MAGT1: variants seen among roughly 807,000 people sequenced by gnomAD.
The protein encoded by MAGT1 is dolichyl-diphosphooligosaccharide--protein glycosyltransferase subunit MAGT1.
MAGT1 carries 4 observed loss-of-function variants against 28.4 expected under a neutral mutation model. The ratio of observed to expected loss-of-function variants is 0.14; its 90% CI spans 0.07 to 0.32. The LOEUF (loss-of-function observed/expected upper bound fraction) is 0.32. Ranked by LOEUF, MAGT1 falls within the 10% of genes least tolerant of loss-of-function variation. The pLI is 1.00. For synonymous variants in MAGT1, 89 were observed against 89.7 expected, an observed-to-expected ratio of 0.99 and a Z score of 0.04; for missense variants, 193 against 264.5, an observed-to-expected ratio of 0.73 and a Z score of 1.88.
At chrX:77,829,740 T>C (rs782145444) in intron 9 of MAGT1, among the ~76,000 whole-genome samples, 1 of 111,653 alleles carries the variant, frequency 9.0e-6, no homozygotes, top group African/African-American at 3.3e-5. Context: ...TTACTCAGAC[T>C]GGAGTGCAGT....
At chrX:77,872,316 T>C (rs2077022461) in intron 2 of MAGT1, among the ~76,000 whole-genome samples, 2 of 111,669 alleles carry the variant, frequency 1.8e-5, no homozygotes, top group African/African-American at 6.5e-5. Flanking sequence ...GTGCTGGGAT[T>C]ACAGGTGTGA....
chrX:77,882,661 A>T (rs1320405642), intron 1 of MAGT1, among the ~76,000 whole-genome samples: 10 of 110,860 alleles, frequency 9.0e-5, no homozygotes, highest in Non-Finnish European at 1.7e-4. Flanking sequence ...AACGTTTTCA[A>T]GCAGGTCTAC....
intron 1 of MAGT1, among the ~76,000 whole-genome samples, chrX:77,889,137 G>A (rs2077074726): frequency 1.0e-5 from 1 of 98,036 alleles, no homozygotes; most frequent in Non-Finnish European, 2.0e-5. Context: ...ACCATGCTCT[G>A]CTATTTTTTT....
At chrX:77,836,510 T>C (rs996959918) in intron 8 of MAGT1, among the ~76,000 whole-genome samples, 1 of 111,949 alleles carries the variant, frequency 8.9e-6, no homozygotes, top group African/African-American at 3.2e-5. Context: ...CATAAATATA[T>C]ACACCTACTA....
intron 2 of MAGT1, among the ~76,000 whole-genome samples, chrX:77,871,950 C>T (rs1831530130): frequency 9.0e-6 from 1 of 111,554 alleles, no homozygotes; most frequent in African/African-American, 3.3e-5. Context: ...AGTTTCACTC[C>T]ATATCCTCCT....
chrX:77,835,056 C>T (rs902580761), intron 8 of MAGT1, among the ~76,000 whole-genome samples: 2 of 106,590 alleles, frequency 1.9e-5, no homozygotes, highest in Non-Finnish European at 3.9e-5. Context: ...CCCGGGTTCA[C>T]GCCATTCTCC....
At chrX:77,883,081 A>G (rs1557218645) in intron 1 of MAGT1, among the ~76,000 whole-genome samples, 1 of 102,097 alleles carries the variant, frequency 9.8e-6, no homozygotes, top group Non-Finnish European at 2.0e-5. Context: ...ATATAATTAT[A>G]ATATGTATTA....
chrX:77,853,121 A>G (rs1195863135), intron 7 of MAGT1, among the ~76,000 whole-genome samples: 1 of 112,210 alleles, frequency 8.9e-6, no homozygotes, highest in Non-Finnish European at 1.9e-5. Flanking sequence ...AAGAAAATAA[A>G]AATTAGCTTG....
chrX:77,873,040 T>C (rs2077024226), intron 2 of MAGT1, among the ~76,000 whole-genome samples: 1 of 112,527 alleles, frequency 8.9e-6, no homozygotes, highest in African/African-American at 3.2e-5. Flanking sequence ...TAGAGAATTA[T>C]GAAGGAGTTT....
intron 3 of MAGT1, among the ~76,000 whole-genome samples, chrX:77,857,973 T>C (rs1270546500): frequency 9.0e-6 from 1 of 111,437 alleles, no homozygotes; most frequent in Non-Finnish European, 1.9e-5. Context: ...TCTAAGAAGG[T>C]CCATAAATGT....
At chrX:77,853,509 T>C (rs781833803) in intron 7 of MAGT1, among the ~76,000 whole-genome samples, 108 of 112,077 alleles carry the variant, frequency 9.6e-4, no homozygotes, top group Non-Finnish European at 1.7e-3. Flanking sequence ...CTGGGTCTGA[T>C]TGACAGTTCA....
intron 3 of MAGT1, among the ~76,000 whole-genome samples, chrX:77,863,340 A>G (rs1422707620): frequency 3.7e-5 from 4 of 108,560 alleles, no homozygotes; most frequent in Non-Finnish European, 7.6e-5. Flanking sequence ...GTGAAGCCCC[A>G]TCTCTACTAA....
intron 3 of MAGT1, among the ~76,000 whole-genome samples, chrX:77,867,936 C>G (rs1033698321): frequency 1.5e-5 from 1 of 66,690 alleles, no homozygotes; most frequent in African/African-American, 3.5e-5. Flanking sequence ...ATGGACAGAG[C>G]GCTAAATGGA....
At chrX:77,833,783 C>A (rs1216896662) in intron 8 of MAGT1, among the ~76,000 whole-genome samples, 1 of 111,604 alleles carries the variant, frequency 9.0e-6, no homozygotes, top group Non-Finnish European at 1.9e-5. Flanking sequence ...ATAGAAAAAA[C>A]AAAATTTATA....
At position 77,875,480 on chromosome X, in the gene MAGT1, C is replaced by T. The variant is rs376976981; in HGVS notation, c.220G>A (p.Val74Ile). Residue 74 changes from valine to isoleucine, a missense_variant, in exon 2 of 10, where the codon GTT becomes ATT. Physicochemically the swap from Val to Ile is conservative, Grantham distance 29. Transcript: ENST00000618282. Reference sequence around the variant, plus strand: ...TGGAGAGCAGTGAACATGACGATAACGGAGTAATTTCTCGGTGGGGCTTTC... The same window carrying T: ...TGGAGAGCAGTGAACATGACGATAATGGAGTAATTTCTCGGTGGGGCTTTC... ...LVKAPPRNYS[V>I]IVMFTALQLH... is the part of the protein sequence containing the mutation. 21 of 1,207,562 alleles carry T rather than the reference C, an allele frequency of 1.7e-5. No homozygotes were observed. The highest frequency in any genetic ancestry group is 2.1e-5 in the Non-Finnish European group (19 of 894,531).
chrX:77,867,636 T>C (rs1054408636), intron 3 of MAGT1, among the ~76,000 whole-genome samples: 2 of 66,363 alleles, frequency 3.0e-5, no homozygotes, highest in African/African-American at 7.0e-5. Context: ...AGTTCAAGAC[T>C]AGCCAGGGCA....
chrX:77,855,308 C>T (rs1486907292), intron 6 of MAGT1, among the ~76,000 whole-genome samples, 193 bp downstream of exon 6: 3 of 109,447 alleles, frequency 2.7e-5, no homozygotes, highest in Admixed American at 9.8e-5. Context: ...AGCAAATCTC[C>T]GTTTCGAAAA....
At chrX:77,837,951 G>C (rs965466424) in intron 8 of MAGT1, among the ~76,000 whole-genome samples, 4 of 111,190 alleles carry the variant, frequency 3.6e-5, no homozygotes, top group African/African-American at 9.8e-5. Flanking sequence ...TGTTGGCCAG[G>C]CTAGTCTCGA....
rs781827266 is a variant in MAGT1, at chrX:77,845,335, T to C, written c.827-4015A>G. 9.8e-4 allele frequency among the ~76,000 whole-genome samples: 109 copies of C among 111,697 alleles called. 1 individual carries two copies. The highest frequency in any genetic ancestry group is 1.5e-3 in the Non-Finnish European group (82 of 53,212). ...CCTTTATTTTGAGCCTATGTGTGTC[T>C]CTGCACGTGAGATGGGTCTCCTGAA... On this transcript the variant is annotated intron_variant, in intron 7 of 9. Coordinates refer to ENST00000618282, the MANE Select transcript of MAGT1 (RefSeq NM_001367916.1).
Sources: allele counts gnomAD v4.1 joint callset (sites outside exome capture counted in the v4.1 genomes callset), GRCh38; gene constraint gnomAD v4.1.1; transcripts MANE v1.5; gene names NCBI Gene and HGNC (gene_info 2026-07-23, HGNC 2026-07-21).